ABCB5: variants seen among roughly 807,000 people sequenced by gnomAD.
ABCB5 encodes ATP-binding cassette sub-family B member 5.
Under a neutral mutation model 144.2 loss-of-function variants are expected in ABCB5, and 155 were observed. That is an observed-to-expected ratio of 1.08 (90% confidence interval 0.94 to 1.23). The LOEUF (loss-of-function observed/expected upper bound fraction) is 1.23. ABCB5 is among the 50% of genes most tolerant of loss of function. ABCB5 has a pLI of 0.00. For synonymous variants in ABCB5, 610 were observed against 528.6 expected, an observed-to-expected ratio of 1.15 and a Z score of -2.11; for missense variants, 1,830 against 1,520.8, an observed-to-expected ratio of 1.20 and a Z score of -3.38.
chr7:20,656,906 C>CTTTTTTTTT (rs1562543053), intron 13 of ABCB5, among the ~76,000 whole-genome samples: 1 of 135,740 alleles, frequency 7.4e-6, no homozygotes. Flanking sequence ...TTTCTTTTTC[C>CTTTTTTTTT]TTTTTCTTTT....
At chr7:20,720,504 A>T (rs1781824530) in intron 20 of ABCB5, among the ~76,000 whole-genome samples, 1 of 152,212 alleles carries the variant, frequency 6.6e-6, no homozygotes, top group Non-Finnish European at 1.5e-5. Flanking sequence ...ACTTGATAGG[A>T]TGCAATGAGA....
At chr7:20,730,439 G>A (rs1264401860) in intron 23 of ABCB5, among the ~76,000 whole-genome samples, 1 of 152,178 alleles carries the variant, frequency 6.6e-6, no homozygotes, top group African/African-American at 2.4e-5. Flanking sequence ...ACCCGAGGAG[G>A]CAGAGGTTGC....
At chr7:20,625,438 C>T (rs967346838) in intron 2 of ABCB5, among the ~76,000 whole-genome samples, 2 of 152,078 alleles carry the variant, frequency 1.3e-5, no homozygotes, top group Admixed American at 6.5e-5. Context: ...ATACAATGTA[C>T]AGCTTTCATT....
At chr7:20,688,577 A>T (rs912186341) in intron 16 of ABCB5, among the ~76,000 whole-genome samples, 1 of 152,072 alleles carries the variant, frequency 6.6e-6, no homozygotes, top group Non-Finnish European at 1.5e-5. Context: ...CTCAAGGATC[A>T]AGAACTAGAA....
intron 4 of ABCB5, among the ~76,000 whole-genome samples, chr7:20,630,488 A>T (rs1032122607): frequency 6.6e-6 from 1 of 152,128 alleles, no homozygotes; most frequent in South Asian, 2.1e-4. Flanking sequence ...CATTGCTTCC[A>T]TCTCTGTCTT....
At chr7:20,684,598 A>G (rs1483924703) in intron 15 of ABCB5, among the ~76,000 whole-genome samples, 1 of 147,684 alleles carries the variant, frequency 6.8e-6, no homozygotes, top group Non-Finnish European at 1.5e-5. Context: ...TAAATAAGTA[A>G]ATAAATAAAT....
chr7:20,653,972 C>T (rs1478993488), intron 13 of ABCB5, among the ~76,000 whole-genome samples: 1 of 152,164 alleles, frequency 6.6e-6, no homozygotes, highest in Non-Finnish European at 1.5e-5. Flanking sequence ...GAGTCAGGAC[C>T]ACACCTTAGA....
At chr7:20,721,594 G>C (rs1781870394) in intron 20 of ABCB5, among the ~76,000 whole-genome samples, 1 of 152,006 alleles carries the variant, frequency 6.6e-6, no homozygotes, top group Non-Finnish European at 1.5e-5. Flanking sequence ...AGCAACTCTT[G>C]CCTCTCCAAC....
At chr7:20,747,213 C>T (rs2031427441) in intron 26 of ABCB5, among the ~76,000 whole-genome samples, 1 of 152,174 alleles carries the variant, frequency 6.6e-6, no homozygotes, top group South Asian at 2.1e-4. Flanking sequence ...TGCATAATCT[C>T]GATAGTTTGT....
intron 1 of ABCB5, 124 bp from the exon 2 acceptor site, chr7:20,623,141 G>A (rs897041906): frequency 4.7e-6 from 3 of 639,864 alleles, no homozygotes; most frequent in Non-Finnish European, 8.2e-6. Context: ...GGGCTGGGCA[G>A]GGCGAAATTC....
chr7:20,688,708 T>C (rs1786091505), intron 16 of ABCB5, among the ~76,000 whole-genome samples: 1 of 152,122 alleles, frequency 6.6e-6, no homozygotes. Flanking sequence ...AGCAAAGACT[T>C]GGAACCAACC....
chr7:20,701,022 G>C (rs962637060), intron 19 of ABCB5, among the ~76,000 whole-genome samples: 2 of 152,140 alleles, frequency 1.3e-5, no homozygotes, highest in Non-Finnish European at 2.9e-5. Context: ...GATACAAAAC[G>C]GAAAGAAGCA....
intron 20 of ABCB5, among the ~76,000 whole-genome samples, chr7:20,722,559 T>C (rs1781903180): frequency 6.6e-6 from 1 of 152,206 alleles, no homozygotes. Context: ...AAATAAAGTA[T>C]AATATTTCCT....
chr7:20,648,991 C>G (rs1219361361), intron 11 of ABCB5, among the ~76,000 whole-genome samples: 1 of 152,134 alleles, frequency 6.6e-6, no homozygotes, highest in Admixed American at 6.5e-5. Context: ...ACTTCAGCAC[C>G]AATTGTGCCA....
At chr7:20,704,180 A>G (rs1434845683) in intron 19 of ABCB5, among the ~76,000 whole-genome samples, 5 of 144,324 alleles carry the variant, frequency 3.5e-5, no homozygotes, top group Non-Finnish European at 7.4e-5. Context: ...GGCTCAAGCA[A>G]TCCTCCCCAC....
chr7:20,658,002 A>G (rs1784866489), intron 13 of ABCB5, among the ~76,000 whole-genome samples: 1 of 152,244 alleles, frequency 6.6e-6, no homozygotes. Flanking sequence ...ACAAATCAAA[A>G]GAACACCTAA....
At chr7:20,697,027 T>G (rs1389786121) in intron 16 of ABCB5, among the ~76,000 whole-genome samples, 1 of 152,180 alleles carries the variant, frequency 6.6e-6, no homozygotes, top group Non-Finnish European at 1.5e-5. Flanking sequence ...AATTTTGTAA[T>G]GCACTTAGTT....
At chr7:20,739,170 A>G in intron 24 of ABCB5, 31 bp downstream of exon 24, 1 of 1,534,588 alleles carries the variant, frequency 6.5e-7, no homozygotes, top group Non-Finnish European at 8.8e-7. Context: ...AAATGTCCAA[A>G]TAAAGATGGC....
chr7:20,625,384 A>ATG (rs113535118), intron 2 of ABCB5, among the ~76,000 whole-genome samples: 48 of 151,518 alleles, frequency 3.2e-4, no homozygotes, highest in African/African-American at 5.1e-4. Context: ...TTGCGCGTGC[A>ATG]TGTGTGTGTG....
Sources: allele counts gnomAD v4.1 joint callset (sites outside exome capture counted in the v4.1 genomes callset), GRCh38; gene constraint gnomAD v4.1.1; transcripts MANE v1.5; gene names NCBI Gene and HGNC (gene_info 2026-07-23, HGNC 2026-07-21).